GOLGA1: variants seen among roughly 807,000 people sequenced by gnomAD.
The protein encoded by GOLGA1 is golgin A1.
GOLGA1 carries 63 observed loss-of-function variants against 119.7 expected under a neutral mutation model. The ratio of observed to expected loss-of-function variants is 0.53; its 90% CI spans 0.43 to 0.65. The LOEUF is 0.65. GOLGA1 is among the 30% of genes least tolerant of loss of function. The pLI is 0.00. For synonymous variants in GOLGA1, 318 were observed against 333.4 expected, an observed-to-expected ratio of 0.95 and a Z score of 0.50; for missense variants, 798 against 912.8, an observed-to-expected ratio of 0.87 and a Z score of 1.62.
At chr9:124,910,724 G>A (rs1292459381) in intron 11 of GOLGA1, among the ~76,000 whole-genome samples, 2 of 152,160 alleles carry the variant, frequency 1.3e-5, no homozygotes, top group African/African-American at 2.4e-5. Flanking sequence ...TACCACCTAA[G>A]ATCTGCCTCC....
chr9:124,881,461 C>T lies in GOLGA1; in HGVS notation c.2137-204G>A, dbSNP rs1332576612. 1.3e-5 allele frequency among the ~76,000 whole-genome samples: 2 copies of T among 152,286 alleles called. No homozygotes were observed. Among genetic ancestry groups the T allele is most frequent in the East Asian group, 1.9e-4 (1 of 5,180 alleles). On this transcript the variant is annotated intron_variant, in intron 21 of 22. Coordinates refer to ENST00000373555, the MANE Select transcript of GOLGA1 (RefSeq NM_002077.4). This position sits in a 1 kb window ranked among gnomAD's most constrained non-coding sequence, Gnocchi z 4.9. ...GGCCTGGCAGGCTTAAGGGAACTGC[C>T]CCAGCAGCTACCCTACCCTTTGGCA...
intron 15 of GOLGA1, among the ~76,000 whole-genome samples, chr9:124,894,791 G>T (rs1434011479): frequency 6.6e-6 from 1 of 152,104 alleles, no homozygotes; most frequent in Non-Finnish European, 1.5e-5. Flanking sequence ...GTCCTAAGTG[G>T]GGCTGCTACT....
upstream of GOLGA1, chr9:124,945,877 T>C (rs188185546): frequency 6.6e-6 from 1 of 152,264 alleles, no homozygotes; most frequent in African/African-American, 2.4e-5. Context: ...TTTTTTTAAG[T>C]GGTCCCATTA....
chr9:124,909,628 A>AG (rs1460482178), intron 11 of GOLGA1, among the ~76,000 whole-genome samples: 2 of 146,782 alleles, frequency 1.4e-5, no homozygotes, highest in Admixed American at 1.4e-4. Flanking sequence ...AAAAAAAAAA[A>AG]GAAATGTAGA....
intron 19 of GOLGA1, among the ~76,000 whole-genome samples, chr9:124,884,802 C>T (rs1182161631): frequency 6.6e-6 from 1 of 152,164 alleles, no homozygotes; most frequent in Non-Finnish European, 1.5e-5. Context: ...CTGGATTTTC[C>T]TCACTCAGTA....
At chr9:124,895,222 CAA>C (rs1170233081) in intron 15 of GOLGA1, among the ~76,000 whole-genome samples, 1 of 147,974 alleles carries the variant, frequency 6.8e-6, no homozygotes, top group Non-Finnish European at 1.5e-5. Context: ...GAACCATCCA[CAA>C]GAGAGAACCC....
At chr9:124,882,854 C>T (rs1044645681) in intron 19 of GOLGA1, among the ~76,000 whole-genome samples, 4 of 152,144 alleles carry the variant, frequency 2.6e-5, no homozygotes, top group African/African-American at 9.7e-5. Flanking sequence ...TATCCCTTCC[C>T]GGGGGCTTGG....
In GOLGA1 at chr9:124,938,718, T is replaced by A. The variant is rs780467998; in HGVS notation, c.-7A>T. 1 of 1,612,858 alleles carries A rather than the reference T, an allele frequency of 6.2e-7. No homozygotes were observed. Among genetic ancestry groups the A allele is most frequent in the African/African-American group, 1.3e-5 (1 of 75,008 alleles). ...TCTTCAGTTTTGCAAACATGTTTGC[T>A]GTGTGGCTATCCTGCACAGATGACG... is the stretch of plus-strand genomic sequence containing the variant. On this transcript the variant is annotated 5_prime_UTR_variant, in exon 3 of 23. Transcript: ENST00000373555.
intron 11 of GOLGA1, 87 bp downstream of exon 11, chr9:124,911,814 A>G: frequency 8.4e-7 from 1 of 1,196,754 alleles, no homozygotes; most frequent in Non-Finnish European, 1.2e-6. Context: ...TGCTGGCCCT[A>G]CAGCTCTGAA....
chr9:124,885,305 C>T (rs951015786), intron 19 of GOLGA1, among the ~76,000 whole-genome samples: 2 of 139,058 alleles, frequency 1.4e-5, no homozygotes, highest in African/African-American at 2.6e-5. Flanking sequence ...TCCAGCCTGG[C>T]GACAGAGACT....
In GOLGA1 at chr9:124,880,553, T is replaced by C. The variant is rs779315673; in HGVS notation, c.2281A>G (p.Asn761Asp). The change falls in exon 23 of 23, where the codon AAC becomes GAC. Residue 761 changes from asparagine to aspartate, a missense_variant. By Grantham distance (23) the Asn-to-Asp change is conservative. Coordinates refer to ENST00000373555, the MANE Select transcript of GOLGA1 (RefSeq NM_002077.4). ...PKGSIRPSIS[N>D]PRIPWS ...CTCTAGGACCATGGTATCCGAGGGT[T>C]TGAGATAGACGGCCGGATGCTGCCC... The C allele has an allele frequency of 1.2e-6, 2 of 1,607,502 alleles. No individual in the cohort carries two copies. Among genetic ancestry groups the C allele is most frequent in the East Asian group, 2.2e-5 (1 of 44,796 alleles).
chr9:124,902,693 G>C (rs1830136292), intron 12 of GOLGA1, among the ~76,000 whole-genome samples: 1 of 151,740 alleles, frequency 6.6e-6, no homozygotes, highest in Non-Finnish European at 1.5e-5. Flanking sequence ...GTTTCACCGT[G>C]TTAGCCAGGA....
Position 124,889,480 on chromosome 9 carries a change from G to A in GOLGA1, c.1554C>T (p.Thr518=), listed in dbSNP as rs774130631. 4 of 1,613,936 alleles carry A rather than the reference G, an allele frequency of 2.5e-6. No individual in the cohort carries two copies. Among genetic ancestry groups the A allele is most frequent in the South Asian group, 1.1e-5 (1 of 91,078 alleles). The change falls in exon 17 of 23, where the codon ACC becomes ACT. Residue 518 remains threonine (T), a synonymous_variant. Coordinates refer to ENST00000373555, the MANE Select transcript of GOLGA1 (RefSeq NM_002077.4). ...DEKEQNLREK[T]EVLLQKEQEI... is the part of the protein sequence containing the mutation. ...CCTGCTCTTTCTGGAGAAGCACTTC[G>A]GTTTTTTCCCGCAGATTCTGTTCCT...
At chr9:124,927,607 T>C (rs1355033069) in intron 6 of GOLGA1, among the ~76,000 whole-genome samples, 3 of 152,212 alleles carry the variant, frequency 2.0e-5, no homozygotes, top group African/African-American at 7.2e-5. Flanking sequence ...TAAAATGTCA[T>C]CTATTATTTT....
At position 124,923,241 on chromosome 9, in the gene GOLGA1, A is replaced by T. The variant is rs1314032594; in HGVS notation, c.433-18T>A. The stretch of plus-strand genomic sequence containing the variant: ...TTTTTCTCCTATTTGAAAGAAGAAG[A>T]CATCAACTCAGGCAACGAAAGCATT... On this transcript the variant is annotated intron_variant, in intron 7 of 22. Coordinates refer to ENST00000373555, the MANE Select transcript of GOLGA1 (RefSeq NM_002077.4). 6 of 1,567,240 alleles carry T rather than the reference A, an allele frequency of 3.8e-6. No homozygotes were observed. Among genetic ancestry groups the T allele is most frequent in the Non-Finnish European group, 2.6e-6 (3 of 1,149,380 alleles).
intron 10 of GOLGA1, among the ~76,000 whole-genome samples, chr9:124,919,248 G>A (rs1483401187): frequency 2.0e-5 from 3 of 151,706 alleles, no homozygotes; most frequent in African/African-American, 4.8e-5. Context: ...GAGCAAGACC[G>A]TGTCTCAAAA....
intron 4 of GOLGA1, 24 bp downstream of exon 4, chr9:124,931,288 TTTGC>T: frequency 9.3e-7 from 1 of 1,072,150 alleles, no homozygotes; most frequent in East Asian, 2.4e-5. Context: ...TTTCCTGTTG[TTTGC>T]TTTTTATGAG....
intron 10 of GOLGA1, among the ~76,000 whole-genome samples, chr9:124,916,883 AAAAAAAAAAAAAAAAAAAACGAAAAC>A (rs1417509672): frequency 6.7e-6 from 1 of 149,010 alleles, no homozygotes; most frequent in East Asian, 2.0e-4. Flanking sequence ...CACACAAAAA[AAAAAAAAAAAAAAAAAAAACGAAAAC>A]AAAAAAAAAA....
intron 19 of GOLGA1, among the ~76,000 whole-genome samples, chr9:124,883,740 A>C (rs1024721833): frequency 1.3e-5 from 2 of 151,180 alleles, no homozygotes; most frequent in Non-Finnish European, 3.0e-5. Flanking sequence ...GAGCCACCGC[A>C]CCCGGCCTTT....
Sources: allele counts gnomAD v4.1 joint callset (sites outside exome capture counted in the v4.1 genomes callset), GRCh38; gene constraint gnomAD v4.1.1; non-coding constraint Gnocchi (gnomAD v3.1); transcripts MANE v1.5; gene names NCBI Gene and HGNC (gene_info 2026-07-23, HGNC 2026-07-21).